RORA: variants seen among roughly 807,000 people sequenced by gnomAD.
RORA encodes the protein RAR related orphan receptor A, also known as nuclear receptor ROR-alpha.
In RORA, 7 loss-of-function variants were observed where a neutral mutation model predicts 69.5. That is an observed-to-expected ratio of 0.10 (90% CI 0.06 to 0.19). The LOEUF is 0.19. RORA is among the 10% of genes least tolerant of loss of function. RORA has a pLI of 1.00. For missense variants in RORA, 457 were observed against 663.0 expected (o/e 0.69, Z 3.41); for synonymous variants, 261 against 240.8 (o/e 1.08, Z -0.78).
intron 1 of RORA, among the ~76,000 whole-genome samples, chr15:60,879,585 A>AT (rs1488303458): frequency 6.6e-6 from 1 of 152,142 alleles, no homozygotes; most frequent in African/African-American, 2.4e-5. Flanking sequence ...GATTTGAAGC[A>AT]TTTTTTCCTA....
intron 1 of RORA, among the ~76,000 whole-genome samples, chr15:60,688,328 G>A (rs2070776287): frequency 6.6e-6 from 1 of 152,062 alleles, no homozygotes; most frequent in African/African-American, 2.4e-5. Context: ...TTATGTTTGG[G>A]TGGAGGAATT....
At chr15:60,756,107 T>C (rs2071798336) in intron 1 of RORA, among the ~76,000 whole-genome samples, 2 of 152,232 alleles carry the variant, frequency 1.3e-5, no homozygotes, top group African/African-American at 4.8e-5. Context: ...AAAAAGTTTC[T>C]GCAATGTTCA....
At position 61,147,845 on chromosome 15, in the gene RORA, G is replaced by A. The variant is rs1567011333; in HGVS notation, c.166+81208C>T. On this transcript the variant is annotated intron_variant, in intron 1 of 10. Coordinates refer to ENST00000335670, the MANE Select transcript of RORA (RefSeq NM_134261.3). The surrounding 1 kb of genome is among the most constrained non-coding windows in gnomAD (Gnocchi z 4.1). ...CTCCTTCACTGTATAAGCCCAACCT[G>A]TTCACTGTGTATCATGCAGAGGAAA... Among the ~76,000 whole-genome samples the A allele has an allele frequency of 6.6e-6, 1 of 151,210 alleles. No individual in the cohort carries two copies. The highest frequency in any genetic ancestry group is 1.5e-5 in the Non-Finnish European group (1 of 67,834).
At chr15:60,902,454 G>A (rs1055602556) in intron 1 of RORA, among the ~76,000 whole-genome samples, 4 of 152,160 alleles carry the variant, frequency 2.6e-5, no homozygotes, top group Admixed American at 6.5e-5. Flanking sequence ...CCATTTACAC[G>A]TGAGAATGGC....
chr15:60,742,130 T>C (rs1212187945), intron 1 of RORA, among the ~76,000 whole-genome samples: 3 of 152,350 alleles, frequency 2.0e-5, no homozygotes, highest in African/African-American at 7.2e-5. Flanking sequence ...TAGATATATA[T>C]GTGTATGTAT....
chr15:60,866,951 T>C (rs1314720835), intron 1 of RORA, among the ~76,000 whole-genome samples: 4 of 152,100 alleles, frequency 2.6e-5, no homozygotes, highest in Non-Finnish European at 5.9e-5. Context: ...CTGTAACCAC[T>C]GCCTGCAGGG....
rs566762007 is a variant in RORA, at chr15:60,555,614, T to C, written c.197-23763A>G. ...GGTTACTGTTTGAAACAATTAGTGATTGCACGATGCTGGGATATGCAAGCA... is the reference window on the plus strand; with the variant it reads ...GGTTACTGTTTGAAACAATTAGTGACTGCACGATGCTGGGATATGCAAGCA... On this transcript the variant is annotated intron_variant, in intron 2 of 10. Transcript: ENST00000335670. 2.0e-3 allele frequency among the ~76,000 whole-genome samples: 303 copies of C among 152,192 alleles called. 1 individual carries two copies. Among genetic ancestry groups the C allele is most frequent in the Non-Finnish European group, 3.7e-3 (250 of 68,010 alleles).
intron 1 of RORA, among the ~76,000 whole-genome samples, chr15:60,711,457 C>A (rs983230005): frequency 6.6e-6 from 1 of 152,172 alleles, no homozygotes; most frequent in Admixed American, 6.5e-5. Flanking sequence ...TTTCAGGCAG[C>A]AGTTGATTAG....
chr15:60,993,253 TG>T (rs1894435366), intron 1 of RORA, among the ~76,000 whole-genome samples: 1 of 152,208 alleles, frequency 6.6e-6, no homozygotes, highest in Non-Finnish European at 1.5e-5. Flanking sequence ...ACTTCACATA[TG>T]GGATCTCACT....
In RORA at chr15:60,883,003, C is replaced by T. The variant is rs576213042; in HGVS notation, c.167-204317G>A. Among the ~76,000 whole-genome samples the T allele has an allele frequency of 5.2e-4, 78 of 151,370 alleles. 1 individual carries two copies. The Middle Eastern group carries it at 0.01, about 20-fold the overall frequency. On this transcript the variant is annotated intron_variant, in intron 1 of 10. Transcript: ENST00000335670. ...AAAATTAGCTGGTCTTGGTGGCAGG[C>T]GCCTGTAATCCCAGTTGCTCGGGAG...
chr15:60,971,663 C>T (rs898632637), intron 1 of RORA, among the ~76,000 whole-genome samples: 1 of 152,234 alleles, frequency 6.6e-6, no homozygotes, highest in African/African-American at 2.4e-5. Context: ...GCTCCCTTTT[C>T]TTCCTTTCTT....
intron 1 of RORA, among the ~76,000 whole-genome samples, chr15:61,059,907 CGAAGAAGAAGAAGAA>C (rs57030654): frequency 7.9e-6 from 1 of 126,974 alleles, no homozygotes; most frequent in South Asian, 2.6e-4. Context: ...CAGTTCCACA[CGAAGAAGAAGAAGAA>C]GAAGAAGAAG....
At chr15:60,573,379 G>A (rs758675337) in intron 2 of RORA, among the ~76,000 whole-genome samples, 4 of 152,258 alleles carry the variant, frequency 2.6e-5, no homozygotes, top group Non-Finnish European at 4.4e-5. Context: ...CAGAGCGGCC[G>A]CACAGAAACC....
At chr15:60,615,871 A>G (rs1271407113) in intron 2 of RORA, among the ~76,000 whole-genome samples, 1 of 152,166 alleles carries the variant, frequency 6.6e-6, no homozygotes, top group Non-Finnish European at 1.5e-5. Context: ...GGCTGCTTCG[A>G]AAATAACTCT....
At chr15:61,051,012 T>G (rs904802225) in intron 1 of RORA, among the ~76,000 whole-genome samples, 1 of 152,202 alleles carries the variant, frequency 6.6e-6, no homozygotes, top group Non-Finnish European at 1.5e-5. Flanking sequence ...ACAGAAGTAG[T>G]GGAGAGGGTA....
chr15:61,169,168 G>A (rs2079563813), intron 1 of RORA, among the ~76,000 whole-genome samples: 1 of 151,972 alleles, frequency 6.6e-6, no homozygotes, highest in Admixed American at 6.6e-5. Context: ...CAAGTCCCCT[G>A]CAGACGCCAG....
At chr15:61,219,412 A>G (rs565621657) in intron 1 of RORA, among the ~76,000 whole-genome samples, 1 of 152,214 alleles carries the variant, frequency 6.6e-6, no homozygotes, top group East Asian at 1.9e-4. Flanking sequence ...GTCTCTACTA[A>G]AAATACAAAA....
rs542302883 is a variant in RORA, at chr15:60,561,499, C to T, written c.197-29648G>A. On this transcript the variant is annotated intron_variant, in intron 2 of 10. Transcript: ENST00000335670. ...TTAAACTCTTTAACTCTGAAACTAACATTAAGAATTTTATCCCGTGTTGTA... is the reference window on the plus strand; with the variant it reads ...TTAAACTCTTTAACTCTGAAACTAATATTAAGAATTTTATCCCGTGTTGTA... Among the ~76,000 whole-genome samples, 4 of 152,154 alleles carry T rather than the reference C, an allele frequency of 2.6e-5. No homozygotes were observed. In the East Asian group the frequency reaches 7.7e-4, roughly 29 times the overall value.
Position 60,795,724 on chromosome 15 carries a change from C to T in RORA, c.167-117038G>A, listed in dbSNP as rs143082922. On this transcript the variant is annotated intron_variant, in intron 1 of 10. Coordinates refer to ENST00000335670, the MANE Select transcript of RORA (RefSeq NM_134261.3). ...CAATCAGAGGAGGCCTTCCTTATGG[C>T]GCCTCCCTATATATGGCAACTCCCC... is the stretch of plus-strand genomic sequence containing the variant. Among the ~76,000 whole-genome samples the T allele has an allele frequency of 1.8e-3, 269 of 152,262 alleles. 2 individuals are homozygous for T. The highest frequency in any genetic ancestry group is 6.1e-3 in the African/African-American group (254 of 41,538).
Sources: gnomAD v4.1 joint callset for allele counts (sites outside exome capture counted in the v4.1 genomes callset) on GRCh38, gnomAD v4.1.1 for gene constraint, Gnocchi (gnomAD v3.1) non-coding constraint, MANE v1.5 for transcripts, NCBI Gene and HGNC (gene_info 2026-07-23, HGNC 2026-07-21) for gene names.